Variants in MICU1 observed in about 807,000 individuals in gnomAD.
The protein encoded by MICU1 is mitochondrial calcium uptake 1, also known as calcium uptake protein 1, mitochondrial.
MICU1 carries 45 observed loss-of-function variants against 56.8 expected under a neutral mutation model. The observed-to-expected ratio is 0.79, with a 90% confidence interval of 0.62 to 1.02. The LOEUF (loss-of-function observed/expected upper bound fraction) is 1.02, where lower values mean the gene tolerates loss of function less well. MICU1 is among the 50% of genes least tolerant of loss of function. MICU1 has a pLI of 0.00. For synonymous variants in MICU1, 186 were observed against 195.1 expected, an observed-to-expected ratio of 0.95 and a Z score of 0.39; for missense variants, 504 against 587.1, an observed-to-expected ratio of 0.86 and a Z score of 1.46.
chr10:72,593,652 TAATA>T (rs1841292108), intron 1 of MICU1, among the ~76,000 whole-genome samples: 1 of 152,124 alleles, frequency 6.6e-6, no homozygotes, highest in Non-Finnish European at 1.5e-5. Context: ...CTGTTAGAAC[TAATA>T]AATGAATTCA....
intron 1 of MICU1, among the ~76,000 whole-genome samples, chr10:72,597,643 T>C (rs1053767123): frequency 6.6e-6 from 1 of 152,226 alleles, no homozygotes; most frequent in Admixed American, 6.5e-5. Context: ...TGTACAGTCA[T>C]AAAATTTCAC....
intron 9 of MICU1, among the ~76,000 whole-genome samples, chr10:72,417,141 T>C (rs2132123630): frequency 6.6e-6 from 1 of 152,286 alleles, no homozygotes; most frequent in South Asian, 2.1e-4. Flanking sequence ...CTTACTAGAC[T>C]ATTACAGACT....
chr10:72,552,415 T>C (rs1840056585), intron 3 of MICU1, among the ~76,000 whole-genome samples: 1 of 152,164 alleles, frequency 6.6e-6, no homozygotes, highest in African/African-American at 2.4e-5. Context: ...ACAGTTGAAA[T>C]AGTCAACAAT....
At chr10:72,436,980 A>G (rs1350040126) in intron 8 of MICU1, among the ~76,000 whole-genome samples, 1 of 152,170 alleles carries the variant, frequency 6.6e-6, no homozygotes, top group African/African-American at 2.4e-5. Flanking sequence ...TCTTCAGGAT[A>G]TTATCCAGGA....
At chr10:72,597,448 A>G (rs1841411217) in intron 1 of MICU1, among the ~76,000 whole-genome samples, 1 of 152,178 alleles carries the variant, frequency 6.6e-6, no homozygotes. Flanking sequence ...ATGCATCTAG[A>G]ACGGTACTAC....
intron 6 of MICU1, among the ~76,000 whole-genome samples, chr10:72,498,235 A>T (rs566204046): frequency 1.3e-5 from 2 of 152,304 alleles, no homozygotes; most frequent in South Asian, 4.1e-4. Context: ...CCTGTTTTGA[A>T]GTTTTACTTT....
At chr10:72,402,563 A>G (rs1464172507) in intron 10 of MICU1, among the ~76,000 whole-genome samples, 1 of 152,270 alleles carries the variant, frequency 6.6e-6, no homozygotes, top group East Asian at 1.9e-4. Context: ...CTTTAGGTAT[A>G]TTAAAAAAAA....
At chr10:72,433,803 T>G (rs567848898) in intron 8 of MICU1, among the ~76,000 whole-genome samples, 1 of 152,212 alleles carries the variant, frequency 6.6e-6, no homozygotes, top group Admixed American at 6.5e-5. Context: ...AATATTGACC[T>G]ACAGTTTCTT....
At chr10:72,475,891 T>C in intron 7 of MICU1, 1 of 456,542 alleles carries the variant, frequency 2.2e-6, no homozygotes, top group Non-Finnish European at 4.4e-6. Context: ...TCTTAGAAAA[T>C]CTCTGTTCAG....
At chr10:72,371,758 T>A (rs535132097) in intron 11 of MICU1, among the ~76,000 whole-genome samples, 112 of 146,358 alleles carry the variant, frequency 7.7e-4, no homozygotes, top group African/African-American at 2.6e-3. Context: ...GAAAAAAATA[T>A]ATATATATAG....
Position 72,486,629 on chromosome 10 carries a change from A to C in MICU1, c.653-9373T>G, listed in dbSNP as rs541107039. 2.6e-5 allele frequency among the ~76,000 whole-genome samples: 4 copies of C among 152,238 alleles called. 1 individual carries two copies. The East Asian group carries it at 7.7e-4, about 29-fold the overall frequency. ...TGAGATTGCAGGCGTGAGCCACCAC[A>C]TCTGGCTAATTTTTGTATTTTTAAT... On this transcript the variant is annotated intron_variant, in intron 6 of 11. Coordinates refer to ENST00000361114, the MANE Select transcript of MICU1 (RefSeq NM_001195518.2).
chr10:72,475,895 T>C (rs1250464929), intron 7 of MICU1: 6 of 456,684 alleles, frequency 1.3e-5, no homozygotes, highest in South Asian at 9.3e-5. Context: ...AGAAAATCTC[T>C]GTTCAGGAAA....
intron 9 of MICU1, among the ~76,000 whole-genome samples, chr10:72,420,997 C>T (rs1255589441): frequency 9.0e-5 from 8 of 89,136 alleles, no homozygotes; most frequent in Admixed American, 2.3e-4. Context: ...AGCGAAACTC[C>T]GTCTCAAAAA....
chr10:72,622,005 C>G (rs553476290), intron 1 of MICU1, among the ~76,000 whole-genome samples: 1 of 152,110 alleles, frequency 6.6e-6, no homozygotes, highest in Non-Finnish European at 1.5e-5. Flanking sequence ...GCTCTGCCTC[C>G]CAGGTTCACG....
intron 10 of MICU1, chr10:72,391,914 G>A (rs1366423690): frequency 1.3e-5 from 2 of 152,096 alleles, no homozygotes; most frequent in African/African-American, 4.8e-5. Context: ...TTTCAACTGT[G>A]TGGGGTGAAA....
chr10:72,439,503 C>T (rs576230438), intron 8 of MICU1, among the ~76,000 whole-genome samples: 1 of 152,264 alleles, frequency 6.6e-6, no homozygotes, highest in East Asian at 1.9e-4. Flanking sequence ...GACAAGGATG[C>T]CCTCTCTCAC....
chr10:72,519,960 T>G (rs1192121623), intron 5 of MICU1, among the ~76,000 whole-genome samples: 1 of 152,174 alleles, frequency 6.6e-6, no homozygotes, highest in Admixed American at 6.6e-5. Flanking sequence ...TAAATTAAAG[T>G]GTCATCCTTT....
intron 1 of MICU1, among the ~76,000 whole-genome samples, chr10:72,592,955 T>G (rs1419974992): frequency 1.3e-5 from 2 of 151,964 alleles, no homozygotes; most frequent in African/African-American, 4.8e-5. Context: ...GCTAATTCCT[T>G]TTGTATTTTT....
intron 5 of MICU1, among the ~76,000 whole-genome samples, chr10:72,512,777 G>A (rs574709716): frequency 1.1e-4 from 17 of 152,120 alleles, no homozygotes; most frequent in East Asian, 5.8e-4. Flanking sequence ...TTGGATCACC[G>A]CAGCCTTGAC....
Sources: gnomAD v4.1 joint callset for allele counts (sites outside exome capture counted in the v4.1 genomes callset) on GRCh38, gnomAD v4.1.1 for gene constraint, MANE v1.5 for transcripts, NCBI Gene and HGNC (gene_info 2026-07-23, HGNC 2026-07-21) for gene names.